PEX5L: variants seen among roughly 807,000 people sequenced by gnomAD.
PEX5L encodes the protein peroxisomal biogenesis factor 5 like, also known as PEX5-related protein.
In PEX5L, 30 loss-of-function variants were observed where a neutral mutation model predicts 84.0. The observed-to-expected ratio is 0.36, with a 90% CI of 0.27 to 0.48. The LOEUF is 0.48. PEX5L is among the 20% of genes least tolerant of loss of function. PEX5L has a pLI of 0.99. For synonymous variants in PEX5L, 270 were observed against 283.1 expected (o/e 0.95, Z 0.46); for missense variants, 533 against 754.6 (o/e 0.71, Z 3.44).
chr3:179,956,773 G>A (rs757158795), intron 2 of PEX5L, among the ~76,000 whole-genome samples: 4 of 152,096 alleles, frequency 2.6e-5, no homozygotes, highest in African/African-American at 7.2e-5. Context: ...CAACATGCAC[G>A]GTGCCATCTC....
chr3:179,808,771 T>C (rs928245916), intron 12 of PEX5L, among the ~76,000 whole-genome samples: 3 of 152,262 alleles, frequency 2.0e-5, no homozygotes, highest in African/African-American at 7.2e-5. Context: ...TAAGGATTTA[T>C]TGCTGATAGA....
intron 4 of PEX5L, among the ~76,000 whole-genome samples, chr3:179,883,159 C>A (rs1376407752): frequency 6.6e-6 from 1 of 152,018 alleles, no homozygotes; most frequent in Non-Finnish European, 1.5e-5. Context: ...TGTGTGTATG[C>A]GTGTGATAGT....
intron 1 of PEX5L, among the ~76,000 whole-genome samples, chr3:180,030,324 G>A (rs1052957370): frequency 6.6e-6 from 1 of 152,030 alleles, no homozygotes; most frequent in South Asian, 2.1e-4. Flanking sequence ...TTCACCCTAC[G>A]CCTCTTCCAT....
intron 1 of PEX5L, among the ~76,000 whole-genome samples, chr3:179,985,611 T>C (rs1786740784): frequency 6.6e-6 from 1 of 151,974 alleles, no homozygotes. Flanking sequence ...GCTGGAGCCA[T>C]ATAAAAACCC....
At chr3:179,979,826 A>T (rs1005360379) in intron 1 of PEX5L, among the ~76,000 whole-genome samples, 6 of 152,170 alleles carry the variant, frequency 3.9e-5, no homozygotes, top group African/African-American at 1.4e-4. Context: ...TGGCCCTATT[A>T]GATGGGGATG....
intron 4 of PEX5L, among the ~76,000 whole-genome samples, chr3:179,885,701 A>C (rs1755636551): frequency 6.6e-6 from 1 of 152,040 alleles, no homozygotes; most frequent in Non-Finnish European, 1.5e-5. Flanking sequence ...AGACATGCAC[A>C]CTGGGAAGCA....
intron 8 of PEX5L, among the ~76,000 whole-genome samples, chr3:179,836,311 T>C (rs1050732972): frequency 3.3e-5 from 5 of 152,218 alleles, no homozygotes; most frequent in Admixed American, 3.3e-4. Flanking sequence ...AAACATTAGA[T>C]GTATACTTAT....
At position 179,887,800 on chromosome 3, in the gene PEX5L, C is replaced by A. The variant is rs779204602; in HGVS notation, c.199-16G>T. Reference sequence around the variant, plus strand: ...CATTCACCAGCTGAGAACAAATGAACAGAGGTGTCAAAGGGCTTTGTTAAA... The same window carrying A: ...CATTCACCAGCTGAGAACAAATGAAAAGAGGTGTCAAAGGGCTTTGTTAAA... On this transcript the variant is annotated splice_polypyrimidine_tract_variant and intron_variant, in intron 3 of 14. Transcript: ENST00000467460. The A allele has an allele frequency of 1.2e-5, 18 of 1,556,814 alleles. No individual in the cohort carries two copies. Among genetic ancestry groups the A allele is most frequent in the Non-Finnish European group, 1.5e-5 (17 of 1,128,444 alleles).
intron 8 of PEX5L, among the ~76,000 whole-genome samples, chr3:179,829,591 GA>G (rs1731858641): frequency 6.6e-6 from 1 of 152,202 alleles, no homozygotes; most frequent in Admixed American, 6.5e-5. Context: ...TTAGAACACA[GA>G]AAGTGCCCAC....
rs1178375452 is a variant in PEX5L at position 180,010,246 on chromosome 3, C to CTTTTT, written c.21+26328_21+26332dup. Among the ~76,000 whole-genome samples the CTTTTT allele has an allele frequency of 4.7e-3, 497 of 105,118 alleles. 19 individuals are homozygous for CTTTTT. Among genetic ancestry groups the CTTTTT allele is most frequent in the African/African-American group, 0.012 (279 of 23,062 alleles). The allele number at this position is 105,118 out of a possible 152,430, so 69.0% of individuals were successfully genotyped here. ...AGGCGTGAGCCACTGCACCCGGCCT[C>CTTTTT]TTTTTTTTTTTTTTTTTTTTCTGTA... On this transcript the variant is annotated intron_variant, in intron 1 of 14. Transcript: ENST00000467460.
Position 179,798,619 on chromosome 3 carries a change from T to C in PEX5L, c.*3209A>G, listed in dbSNP as rs1182862744. ...AGTCACCCGTATGTAGCCATTCTAG[T>C]AAGAATACCCTCTTCTAGGAGCTGT... On this transcript the variant is annotated 3_prime_UTR_variant, in exon 15 of 15. Transcript: ENST00000467460. 1.3e-5 allele frequency: 2 copies of C among 152,188 alleles called. No individual in the cohort carries two copies. Among genetic ancestry groups the C allele is most frequent in the African/African-American group, 4.8e-5 (2 of 41,442 alleles). 9.4% of individuals were successfully genotyped at this position (152,188 alleles called of 1,614,324 possible).
At chr3:179,821,515 C>A (rs1204603381) in intron 8 of PEX5L, among the ~76,000 whole-genome samples, 4 of 152,292 alleles carry the variant, frequency 2.6e-5, no homozygotes, top group Non-Finnish European at 5.9e-5. Flanking sequence ...GGAATAAGAA[C>A]CAGCCCAATG....
chr3:179,808,641 A>G (rs546965235), intron 12 of PEX5L, among the ~76,000 whole-genome samples: 1 of 152,332 alleles, frequency 6.6e-6, no homozygotes, highest in East Asian at 1.9e-4. Flanking sequence ...TTTGTTGTAC[A>G]CGGATACAGA....
At chr3:179,889,190 C>T (rs372389338) in intron 3 of PEX5L, among the ~76,000 whole-genome samples, 4 of 152,180 alleles carry the variant, frequency 2.6e-5, no homozygotes, top group East Asian at 1.9e-4. Flanking sequence ...TTACTCTACT[C>T]ACCTTCGCTA....
intron 2 of PEX5L, among the ~76,000 whole-genome samples, chr3:179,952,893 C>T (rs1053906593): frequency 6.6e-6 from 1 of 151,982 alleles, no homozygotes. Flanking sequence ...GGTACCGGTA[C>T]CAAAACAGAT....
chr3:179,910,744 T>A (rs1411909846), intron 2 of PEX5L, among the ~76,000 whole-genome samples: 1 of 152,070 alleles, frequency 6.6e-6, no homozygotes, highest in East Asian at 1.9e-4. Context: ...ACCCTGGGAG[T>A]GGCAGAATAT....
intron 2 of PEX5L, among the ~76,000 whole-genome samples, chr3:179,900,359 A>G: frequency 6.6e-6 from 1 of 152,196 alleles, no homozygotes; most frequent in Admixed American, 6.5e-5. Context: ...AGAAAATAAT[A>G]ATTTAGATTC....
intron 1 of PEX5L, among the ~76,000 whole-genome samples, chr3:179,991,519 C>G (rs912689335): frequency 1.3e-5 from 2 of 152,132 alleles, no homozygotes; most frequent in African/African-American, 4.8e-5. Context: ...TTTTTTCCCC[C>G]TCTACTCATC....
Position 180,036,589 on chromosome 3 carries a change from C to T in PEX5L, c.11G>A (p.Gly4Glu), listed in dbSNP as rs1471093496. MYQGHMQKSKEQGY... is the reference protein window; with the variant it reads MYQEHMQKSKEQGY... Reference sequence around the variant, plus strand: ...ATAGAAATGTCTTACCTGCATGTGTCCCTGGTACATTCTGCTTCGGTTTCT... The same window carrying T: ...ATAGAAATGTCTTACCTGCATGTGTTCCTGGTACATTCTGCTTCGGTTTCT... Residue 4 changes from glycine to glutamate, a missense_variant, in exon 1 of 15, where the codon GGA becomes GAA. Gly to Glu is a moderately conservative substitution (Grantham distance 98). Around this residue, in one of 8 missense-constraint regions of PEX5L, gnomAD observed 259 missense variants for 301.7 expected, o/e 0.86. Coordinates refer to ENST00000467460, the MANE Select transcript of PEX5L (RefSeq NM_016559.3). 1.1e-5 allele frequency: 17 copies of T among 1,614,040 alleles called. No individual in the cohort carries two copies. Among genetic ancestry groups the T allele is most frequent in the African/African-American group, 1.3e-5 (1 of 74,940 alleles).
Sources: allele counts gnomAD v4.1 joint callset (sites outside exome capture counted in the v4.1 genomes callset), GRCh38; gene constraint gnomAD v4.1.1; regional missense constraint gnomAD v4.1.1; transcripts MANE v1.5; gene names NCBI Gene and HGNC (gene_info 2026-07-23, HGNC 2026-07-21).